The following GPC6 variants were observed in gnomAD, a reference collection of about 807,000 sequenced individuals.
GPC6 encodes glypican 6.
GPC6 carries 14 observed loss-of-function variants against 55.2 expected under a neutral mutation model. That is an observed-to-expected ratio of 0.25 (90% CI 0.17 to 0.40). GPC6 has a LOEUF of 0.40. GPC6 is among the 10% of genes least tolerant of loss of function. The probability of loss-of-function intolerance (pLI) is 1.00; values close to 1 mark genes in which losing one functional copy is unlikely to be tolerated. For missense variants in GPC6, 641 were observed against 708.5 expected (o/e 0.90, Z 1.08); for synonymous variants, 278 against 259.6 (o/e 1.07, Z -0.68).
At chr13:93,966,136 G>T (rs946753595) in intron 3 of GPC6, among the ~76,000 whole-genome samples, 1 of 152,174 alleles carries the variant, frequency 6.6e-6, no homozygotes, top group Admixed American at 6.5e-5. Flanking sequence ...TCCTCCTGGG[G>T]CACCTTTGCT....
chr13:93,744,742 C>T (rs1422356023), intron 2 of GPC6, among the ~76,000 whole-genome samples: 1 of 150,750 alleles, frequency 6.6e-6, no homozygotes, highest in Non-Finnish European at 1.5e-5. Flanking sequence ...CCAGACTGGC[C>T]AATATGGTGA....
intron 1 of GPC6, among the ~76,000 whole-genome samples, chr13:93,509,564 G>T (rs1260374802): frequency 6.6e-6 from 1 of 152,184 alleles, no homozygotes; most frequent in Admixed American, 6.5e-5. Context: ...TGCCCTTGAA[G>T]AGTATTTGCT....
intron 2 of GPC6, among the ~76,000 whole-genome samples, chr13:93,593,731 A>G (rs1320335476): frequency 6.6e-6 from 1 of 152,192 alleles, no homozygotes; most frequent in Non-Finnish European, 1.5e-5. Flanking sequence ...CAGATATACA[A>G]GTGATATTTA....
At chr13:94,306,229 A>C in intron 6 of GPC6, 106 bp downstream of exon 6, 20 of 1,106,498 alleles carry the variant, frequency 1.8e-5, no homozygotes, top group Non-Finnish European at 2.5e-5. Context: ...GAGTCATCTC[A>C]TGCTTATATC....
At chr13:93,848,605 T>G (rs1344086677) in intron 3 of GPC6, among the ~76,000 whole-genome samples, 3 of 152,112 alleles carry the variant, frequency 2.0e-5, no homozygotes, top group East Asian at 1.9e-4. Flanking sequence ...AAATCTGGGG[T>G]ATTTACTAAG....
At chr13:93,473,940 G>A (rs1186969832) in intron 1 of GPC6, among the ~76,000 whole-genome samples, 9 of 152,274 alleles carry the variant, frequency 5.9e-5, no homozygotes, top group South Asian at 4.1e-4. Flanking sequence ...CCTTGGGTAT[G>A]TGGGGCAAAG....
At chr13:94,351,086 A>G in intron 6 of GPC6, among the ~76,000 whole-genome samples, 1 of 151,434 alleles carries the variant, frequency 6.6e-6, no homozygotes, top group Non-Finnish European at 1.5e-5. Flanking sequence ...ACCTGGGGGA[A>G]TAAAGTCTCA....
intron 4 of GPC6, among the ~76,000 whole-genome samples, chr13:94,213,947 A>G (rs1277888956): frequency 6.6e-6 from 1 of 152,198 alleles, no homozygotes; most frequent in Non-Finnish European, 1.5e-5. Flanking sequence ...TAAGAGTTAT[A>G]TGGCAATATA....
At chr13:93,653,003 G>A (rs1403569079) in intron 2 of GPC6, among the ~76,000 whole-genome samples, 1 of 152,052 alleles carries the variant, frequency 6.6e-6, no homozygotes, top group Non-Finnish European at 1.5e-5. Context: ...AGATACTTAG[G>A]GAGAAACACC....
chr13:93,379,616 A>G (rs892123269), intron 1 of GPC6, among the ~76,000 whole-genome samples: 1 of 152,154 alleles, frequency 6.6e-6, no homozygotes, highest in Non-Finnish European at 1.5e-5. Context: ...TTCCCAAGTC[A>G]CTTTTTTACT....
At chr13:93,846,097 A>G (rs1442877317) in intron 3 of GPC6, among the ~76,000 whole-genome samples, 2 of 152,140 alleles carry the variant, frequency 1.3e-5, no homozygotes, top group African/African-American at 4.8e-5. Context: ...AATGCCCTCA[A>G]AAACATCCTC....
chr13:94,302,854 G>GT (rs1326392243), intron 5 of GPC6, among the ~76,000 whole-genome samples: 1 of 152,328 alleles, frequency 6.6e-6, no homozygotes, highest in East Asian at 1.9e-4. Flanking sequence ...CATGGGGTGA[G>GT]TGTTACAGCT....
intron 4 of GPC6, among the ~76,000 whole-genome samples, chr13:94,131,525 AATG>A (rs1887000705): frequency 6.6e-6 from 1 of 152,194 alleles, no homozygotes; most frequent in Non-Finnish European, 1.5e-5. Context: ...TAATTTGAGA[AATG>A]ATGGTCTTGA....
chr13:93,669,329 C>T (rs2139624299), intron 2 of GPC6, among the ~76,000 whole-genome samples: 1 of 152,204 alleles, frequency 6.6e-6, no homozygotes, highest in East Asian at 1.9e-4. Flanking sequence ...TGTGAAAAAT[C>T]CTCTATTTTG....
At chr13:93,465,616 T>C (rs1878875105) in intron 1 of GPC6, among the ~76,000 whole-genome samples, 1 of 152,232 alleles carries the variant, frequency 6.6e-6, no homozygotes, top group Non-Finnish European at 1.5e-5. Flanking sequence ...GAGAATGTTG[T>C]GGCTGGTTTG....
At chr13:93,486,858 T>C (rs1879731438) in intron 1 of GPC6, among the ~76,000 whole-genome samples, 1 of 150,928 alleles carries the variant, frequency 6.6e-6, no homozygotes, top group South Asian at 2.1e-4. Flanking sequence ...GGCAGGAGAA[T>C]AGCTTGAACC....
intron 2 of GPC6, among the ~76,000 whole-genome samples, chr13:93,679,154 G>T (rs1463200179): frequency 6.6e-6 from 1 of 152,112 alleles, no homozygotes; most frequent in Non-Finnish European, 1.5e-5. Flanking sequence ...TATCTGTACA[G>T]ATAGATAACA....
rs56870429 is a variant in GPC6 at position 94,076,960 on chromosome 13, GTTTTT to G, written c.877+49080_877+49084del. On this transcript the variant is annotated intron_variant, in intron 4 of 8. Coordinates refer to ENST00000377047, the MANE Select transcript of GPC6 (RefSeq NM_005708.5). ...TCCTCAAGATCACTCTGGTGCTTCT[GTTTTT>G]TTTTTTTTTTTTTGTGGCTTTATAT... 7.5e-3 allele frequency among the ~76,000 whole-genome samples: 945 copies of G among 126,108 alleles called. 5 individuals are homozygous for G. The highest frequency in any genetic ancestry group is 0.019 in the South Asian group (76 of 3,930). The allele number at this position is 126,108 out of a possible 152,430, so 82.7% of individuals were successfully genotyped here.
At chr13:93,655,794 A>C (rs1262775311) in intron 2 of GPC6, among the ~76,000 whole-genome samples, 1 of 152,184 alleles carries the variant, frequency 6.6e-6, no homozygotes, top group Non-Finnish European at 1.5e-5. Context: ...CAACAATGAA[A>C]TAGGGAACTT....
Sources: allele counts gnomAD v4.1 joint callset (sites outside exome capture counted in the v4.1 genomes callset), GRCh38; gene constraint gnomAD v4.1.1; transcripts MANE v1.5; gene names NCBI Gene and HGNC (gene_info 2026-07-23, HGNC 2026-07-21).